FMNL2: variants seen among roughly 807,000 people sequenced by gnomAD.
FMNL2 encodes the protein formin like 2, also known as formin-like protein 2.
A neutral mutation model predicts 130.2 loss-of-function variants in FMNL2; 51 were observed. The ratio of observed to expected loss-of-function variants is 0.39; its 90% confidence interval spans 0.31 to 0.49. FMNL2 has a LOEUF of 0.49. Among genes scored for constraint, FMNL2 ranks in the 20% least tolerant of loss-of-function variants. The pLI, the probability that FMNL2 is intolerant of heterozygous loss-of-function variation, is 0.85. For synonymous variants in FMNL2, 465 were observed against 467.1 expected (o/e 1.00, Z 0.06); for missense variants, 977 against 1,316.2 (o/e 0.74, Z 3.99).
chr2:152,509,405 T>C (rs1692362757), intron 1 of FMNL2, among the ~76,000 whole-genome samples: 1 of 152,168 alleles, frequency 6.6e-6, no homozygotes, highest in South Asian at 2.1e-4. Flanking sequence ...GATTTTTTTT[T>C]TTTGCTCAAC....
At chr2:152,340,399 T>C (rs1681730947) in intron 1 of FMNL2, among the ~76,000 whole-genome samples, 2 of 152,330 alleles carry the variant, frequency 1.3e-5, no homozygotes, top group African/African-American at 4.8e-5. Context: ...CTGGATAAAG[T>C]TGGCAGAAAT....
intron 1 of FMNL2, among the ~76,000 whole-genome samples, chr2:152,405,110 G>A (rs1685912655): frequency 6.6e-6 from 1 of 152,168 alleles, no homozygotes; most frequent in Non-Finnish European, 1.5e-5. Context: ...AATTGTTGGT[G>A]GTCTTACTAG....
At chr2:152,558,555 G>A (rs1695351344) in intron 4 of FMNL2, among the ~76,000 whole-genome samples, 185 bp from the exon 5 acceptor site, 1 of 152,092 alleles carries the variant, frequency 6.6e-6, no homozygotes, top group Non-Finnish European at 1.5e-5. Context: ...AAAAAGTTGT[G>A]GTTTTCTTAG....
At chr2:152,490,244 G>T (rs915486996) in intron 1 of FMNL2, among the ~76,000 whole-genome samples, 2 of 151,708 alleles carry the variant, frequency 1.3e-5, no homozygotes, top group African/African-American at 4.8e-5. Flanking sequence ...AGTAGGGAAT[G>T]AGTTTACAAT....
chr2:152,586,738 C>G (rs770750712), intron 9 of FMNL2, among the ~76,000 whole-genome samples: 2 of 151,780 alleles, frequency 1.3e-5, no homozygotes, highest in Non-Finnish European at 2.9e-5. Context: ...ACTGGTCCTC[C>G]TCCTTAGCAT....
chr2:152,454,068 G>A (rs1383730008), intron 1 of FMNL2, among the ~76,000 whole-genome samples: 1 of 152,132 alleles, frequency 6.6e-6, no homozygotes, highest in Non-Finnish European at 1.5e-5. Context: ...AGGGTCAGGA[G>A]TTCGAGACCA....
At chr2:152,474,715 C>G (rs535272487) in intron 1 of FMNL2, among the ~76,000 whole-genome samples, 2 of 151,862 alleles carry the variant, frequency 1.3e-5, no homozygotes, top group Admixed American at 1.3e-4. Context: ...AAAACAGATG[C>G]AGTCAGCACT....
At chr2:152,408,505 G>T in intron 1 of FMNL2, among the ~76,000 whole-genome samples, 1 of 152,148 alleles carries the variant, frequency 6.6e-6, no homozygotes. Context: ...AGCTATAGCA[G>T]AGATTAAATG....
At chr2:152,613,047 A>C (rs1698767509) in intron 11 of FMNL2, among the ~76,000 whole-genome samples, 1 of 152,228 alleles carries the variant, frequency 6.6e-6, no homozygotes, top group South Asian at 2.1e-4. Flanking sequence ...CTTGCTTCCT[A>C]GACTGGCTGG....
chr2:152,411,776 G>T (rs536631700), intron 1 of FMNL2, among the ~76,000 whole-genome samples: 1 of 152,284 alleles, frequency 6.6e-6, no homozygotes, highest in South Asian at 2.1e-4. Context: ...TGATTCCCAT[G>T]TGGCCAGACT....
At position 152,452,098 on chromosome 2, in the gene FMNL2, C is replaced by T. The variant is rs551660449; in HGVS notation, c.118-69845C>T. On this transcript the variant is annotated intron_variant, in intron 1 of 25. Coordinates refer to ENST00000288670, the MANE Select transcript of FMNL2 (RefSeq NM_052905.4). Reference sequence around the variant, plus strand: ...GTATGGCTCCCCTGTTCCCTTCACTCTTTTCATCAAAGTGAATACATTTGT... The same window carrying T: ...GTATGGCTCCCCTGTTCCCTTCACTTTTTTCATCAAAGTGAATACATTTGT... Among the ~76,000 whole-genome samples, 66 of 152,310 alleles carry T rather than the reference C, an allele frequency of 4.3e-4. 1 individual carries two copies. Among genetic ancestry groups the T allele is most frequent in the Middle Eastern group, 6.8e-3 (2 of 294 alleles).
In FMNL2 at chr2:152,643,046, C is replaced by T. The variant is rs925941654; in HGVS notation, c.3169+2132C>T. On this transcript the variant is annotated intron_variant, in intron 25 of 25. Transcript: ENST00000288670. Reference sequence around the variant, plus strand: ...AACAAAACAAACAAAAACCAAAGAACGTGGAGTTCCTTTTTCATTAGTATG... The same window carrying T: ...AACAAAACAAACAAAAACCAAAGAATGTGGAGTTCCTTTTTCATTAGTATG... Among the ~76,000 whole-genome samples the T allele has an allele frequency of 7.2e-5, 11 of 152,126 alleles. No homozygotes were observed. The East Asian group carries it at 1.2e-3, about 16-fold the overall frequency.
At chr2:152,601,377 T>G (rs1354182575) in intron 9 of FMNL2, among the ~76,000 whole-genome samples, 2 of 149,276 alleles carry the variant, frequency 1.3e-5, no homozygotes, top group East Asian at 4.0e-4. Flanking sequence ...CTCGGCTAAC[T>G]GCAACCTCCA....
chr2:152,557,054 A>T (rs919793694), intron 4 of FMNL2, among the ~76,000 whole-genome samples: 2 of 152,170 alleles, frequency 1.3e-5, no homozygotes, highest in Non-Finnish European at 2.9e-5. Context: ...TCCAGACTTT[A>T]AGTCTCCAGC....
At chr2:152,433,680 T>C (rs944789435) in intron 1 of FMNL2, among the ~76,000 whole-genome samples, 2 of 152,182 alleles carry the variant, frequency 1.3e-5, no homozygotes, top group Non-Finnish European at 2.9e-5. Context: ...CTGGAGGTCC[T>C]TGGGGAAAAC....
chr2:152,495,710 G>A (rs1430621480), intron 1 of FMNL2, among the ~76,000 whole-genome samples: 1 of 135,714 alleles, frequency 7.4e-6, no homozygotes, highest in African/African-American at 2.7e-5. Context: ...TCCTAGTTGA[G>A]AGGACAGGAT....
chr2:152,495,054 A>C (rs1040745609), intron 1 of FMNL2, among the ~76,000 whole-genome samples: 2 of 152,184 alleles, frequency 1.3e-5, no homozygotes, highest in Admixed American at 1.3e-4. Flanking sequence ...TACACATAAC[A>C]CCTGGAAACG....
intron 1 of FMNL2, among the ~76,000 whole-genome samples, chr2:152,483,544 G>C (rs951110616): frequency 3.3e-5 from 5 of 152,154 alleles, no homozygotes; most frequent in African/African-American, 1.2e-4. Context: ...CTCTTCCCAG[G>C]TATGAGCCCT....
intron 1 of FMNL2, among the ~76,000 whole-genome samples, chr2:152,473,740 AT>A (rs1295380826): frequency 5.0e-4 from 76 of 152,236 alleles, no homozygotes; most frequent in African/African-American, 1.7e-3. Flanking sequence ...TTCATAGAAA[AT>A]ATTGACAATA....
Sources: allele counts gnomAD v4.1 joint callset (sites outside exome capture counted in the v4.1 genomes callset), GRCh38; gene constraint gnomAD v4.1.1; transcripts MANE v1.5; gene names NCBI Gene and HGNC (gene_info 2026-07-23, HGNC 2026-07-21).